WWP1: variants seen among roughly 807,000 people sequenced by gnomAD.
WWP1 encodes NEDD4-like E3 ubiquitin-protein ligase WWP1.
In WWP1, 49 loss-of-function variants were observed where a neutral mutation model predicts 130.6. The ratio of observed to expected loss-of-function variants is 0.38; its 90% CI spans 0.30 to 0.48. The LOEUF is 0.48. Among genes scored for constraint, WWP1 ranks in the 20% least tolerant of loss-of-function variants. WWP1 has a pLI of 0.99. For synonymous variants in WWP1, 332 were observed against 367.8 expected, an observed-to-expected ratio of 0.90 and a Z score of 1.11; for missense variants, 809 against 1,100.6, an observed-to-expected ratio of 0.74 and a Z score of 3.75.
chr8:86,449,777 A>G (rs1487191760), intron 20 of WWP1, among the ~76,000 whole-genome samples: 1 of 152,018 alleles, frequency 6.6e-6, no homozygotes, highest in African/African-American at 2.4e-5. Context: ...TTTGTTTTTT[A>G]TATTTGTTTT....
At chr8:86,441,246 A>C (rs964868399) in intron 17 of WWP1, among the ~76,000 whole-genome samples, 9 of 152,168 alleles carry the variant, frequency 5.9e-5, no homozygotes, top group African/African-American at 2.2e-4. Flanking sequence ...CCATCCTCTT[A>C]CCTGGGGTAT....
chr8:86,370,855 C>CATTTTTTTTTTTTTTTTTT (rs1824247497), intron 2 of WWP1, among the ~76,000 whole-genome samples: 1 of 44,862 alleles, frequency 2.2e-5, no homozygotes, highest in African/African-American at 1.0e-4. Context: ...TATATTCATT[C>CATTTTTTTTTTTTTTTTTT]TTTTTTTTTT....
intron 20 of WWP1, among the ~76,000 whole-genome samples, chr8:86,451,803 A>G (rs1034564395): frequency 6.6e-6 from 1 of 152,104 alleles, no homozygotes; most frequent in African/African-American, 2.4e-5. Flanking sequence ...TTTCAGATCC[A>G]TCTCCTTTTG....
chr8:86,347,914 A>G (rs1166867363), intron 1 of WWP1, among the ~76,000 whole-genome samples: 5 of 152,172 alleles, frequency 3.3e-5, no homozygotes, highest in Admixed American at 1.3e-4. Flanking sequence ...AGCCACCTAC[A>G]TTACTCAACA....
intron 1 of WWP1, among the ~76,000 whole-genome samples, chr8:86,359,905 C>T (rs989760096): frequency 2.0e-5 from 3 of 151,770 alleles, no homozygotes; most frequent in Admixed American, 6.6e-5. Context: ...AAAAATTAGC[C>T]GGGCGTGGTG....
Position 86,442,724 on chromosome 8 carries a change from C to T in WWP1, c.1944C>T (p.Thr648=), listed in dbSNP as rs1048887055. The change falls in exon 18 of 25, where the codon ACC becomes ACT. Residue 648 remains threonine (T), a synonymous_variant. Coordinates refer to ENST00000517970, the MANE Select transcript of WWP1 (RefSeq NM_007013.4). The part of the protein sequence containing the change: ...NYCLQINPAS[T]INPDHLSYFC... ...GTCTGCAGATAAATCCAGCATCAAC[C>T]ATTAATCCAGACCATCTTTCATACT... The T allele has an allele frequency of 3.1e-6, 5 of 1,612,490 alleles. No individual in the cohort carries two copies. Among genetic ancestry groups the T allele is most frequent in the Admixed American group, 1.7e-5 (1 of 59,928 alleles).
chr8:86,418,176 G>A (rs568294644), intron 9 of WWP1, among the ~76,000 whole-genome samples: 12 of 151,984 alleles, frequency 7.9e-5, no homozygotes, highest in Non-Finnish European at 1.2e-4. Flanking sequence ...ATATTTAATC[G>A]ACAAATATTT....
At chr8:86,377,948 T>A (rs562434173) in intron 3 of WWP1, among the ~76,000 whole-genome samples, 111 of 152,308 alleles carry the variant, frequency 7.3e-4, no homozygotes, top group African/African-American at 2.6e-3. Context: ...TCTTTTCAAA[T>A]GTTTCAAAAT....
At chr8:86,424,897 G>C (rs1809528672) in intron 9 of WWP1, among the ~76,000 whole-genome samples, 1 of 148,694 alleles carries the variant, frequency 6.7e-6, no homozygotes, top group African/African-American at 2.5e-5. Flanking sequence ...CTTAATTCTT[G>C]ATTCAATTTC....
At chr8:86,430,260 A>G (rs1325947509) in intron 11 of WWP1, among the ~76,000 whole-genome samples, 4 of 152,170 alleles carry the variant, frequency 2.6e-5, no homozygotes, top group East Asian at 1.9e-4. Context: ...ATGTGGACCT[A>G]TCTATCTGTC....
intron 5 of WWP1, 62 bp downstream of exon 5, chr8:86,381,691 C>A: frequency 7.0e-7 from 1 of 1,421,092 alleles, no homozygotes; most frequent in South Asian, 1.6e-5. Flanking sequence ...TTGAACATAT[C>A]CTGAATCCTA....
At chr8:86,385,922 C>G (rs556698296) in intron 5 of WWP1, among the ~76,000 whole-genome samples, 1 of 152,174 alleles carries the variant, frequency 6.6e-6, no homozygotes, top group Non-Finnish European at 1.5e-5. Context: ...TGCACATGCT[C>G]ACATGTCCTT....
intron 8 of WWP1, among the ~76,000 whole-genome samples, chr8:86,405,914 G>C (rs967256667): frequency 2.0e-5 from 3 of 152,116 alleles, no homozygotes; most frequent in Non-Finnish European, 4.4e-5. Flanking sequence ...GGAATTGTGG[G>C]TCAATACTAA....
chr8:86,465,975 G>T (rs1470851993), intron 24 of WWP1, among the ~76,000 whole-genome samples: 1 of 152,134 alleles, frequency 6.6e-6, no homozygotes, highest in Non-Finnish European at 1.5e-5. Context: ...ACAGTGGTAA[G>T]AAGGCACCTG....
At chr8:86,389,261 T>C (rs1000139341) in intron 5 of WWP1, among the ~76,000 whole-genome samples, 1 of 151,928 alleles carries the variant, frequency 6.6e-6, no homozygotes, top group Non-Finnish European at 1.5e-5. Flanking sequence ...CAGATAAACA[T>C]GTGAACAAGG....
rs770429800 is a variant in WWP1, at chr8:86,448,518, G to T, written c.2273+5G>T. On this transcript the variant is annotated splice_donor_5th_base_variant and intron_variant, in intron 20 of 24. Coordinates refer to ENST00000517970, the MANE Select transcript of WWP1 (RefSeq NM_007013.4). Reference sequence around the variant, plus strand: ...GAACAAAGATGAATATATTGGGTAAGGTGATATACCTTATTAAGCTTAATT... The same window carrying T: ...GAACAAAGATGAATATATTGGGTAATGTGATATACCTTATTAAGCTTAATT... The T allele has an allele frequency of 1.2e-6, 2 of 1,611,042 alleles. No homozygotes were observed. Among genetic ancestry groups the T allele is most frequent in the South Asian group, 2.2e-5 (2 of 90,274 alleles).
At chr8:86,465,130 A>C (rs993916805) in intron 24 of WWP1, among the ~76,000 whole-genome samples, 6 of 152,172 alleles carry the variant, frequency 3.9e-5, no homozygotes, top group Non-Finnish European at 7.3e-5. Flanking sequence ...AGTATTCATT[A>C]GAGGAACACG....
chr8:86,466,112 GCTACTCAGTGCTGTAC>G (rs1812100543), intron 24 of WWP1, among the ~76,000 whole-genome samples: 1 of 152,146 alleles, frequency 6.6e-6, no homozygotes, highest in Non-Finnish European at 1.5e-5. Context: ...TCCTAATCTA[GCTACTCAGTGCTGTAC>G]CTCACAAAAC....
At chr8:86,435,757 C>A in intron 16 of WWP1, 53 bp downstream of exon 16, 2 of 1,551,486 alleles carry the variant, frequency 1.3e-6, no homozygotes, top group South Asian at 1.1e-5. Flanking sequence ...GTATTCTGTG[C>A]ATCTAAAGAA....
Sources: gnomAD v4.1 joint callset for allele counts (sites outside exome capture counted in the v4.1 genomes callset) on GRCh38, gnomAD v4.1.1 for gene constraint, MANE v1.5 for transcripts, NCBI Gene and HGNC (gene_info 2026-07-23, HGNC 2026-07-21) for gene names.